MTUS2: variants seen among roughly 807,000 people sequenced by gnomAD.
The protein encoded by MTUS2 is microtubule-associated tumor suppressor candidate 2.
A neutral mutation model predicts 114.1 loss-of-function variants in MTUS2; 40 were observed. The ratio of observed to expected loss-of-function variants is 0.35; its 90% confidence interval spans 0.27 to 0.46. MTUS2 has a LOEUF of 0.46. Ranked by LOEUF, MTUS2 falls within the 20% of genes least tolerant of loss-of-function variation. The pLI, the probability that MTUS2 is intolerant of heterozygous loss-of-function variation, is 1.00. For missense variants in MTUS2, 1,679 were observed against 1,705.4 expected (o/e 0.98, Z 0.27); for synonymous variants, 688 against 672.0 (o/e 1.02, Z -0.37).
At chr13:29,173,615 A>G (rs1893651049) in intron 5 of MTUS2, among the ~76,000 whole-genome samples, 1 of 152,132 alleles carries the variant, frequency 6.6e-6, no homozygotes, top group Non-Finnish European at 1.5e-5. Flanking sequence ...GGAAAGAATT[A>G]TAGTTCAGGA....
At chr13:29,230,687 G>A (rs77312187) in intron 5 of MTUS2, among the ~76,000 whole-genome samples, 6 of 152,320 alleles carry the variant, frequency 3.9e-5, no homozygotes, top group Admixed American at 1.3e-4. Context: ...TTGAAATCAG[G>A]TAACTTTGGA....
chr13:29,464,380 A>G (rs1879740162), intron 9 of MTUS2, among the ~76,000 whole-genome samples: 1 of 152,250 alleles, frequency 6.6e-6, no homozygotes, highest in South Asian at 2.1e-4. Flanking sequence ...TAAGCCAGGG[A>G]GAGAGAACAG....
chr13:29,045,883 T>C, intron 4 of MTUS2, among the ~76,000 whole-genome samples: 1 of 152,128 alleles, frequency 6.6e-6, no homozygotes, highest in Admixed American at 6.6e-5. Flanking sequence ...GAACTATATT[T>C]TCTGTAATCT....
chr13:29,419,398 C>A (rs1875916098), intron 8 of MTUS2, among the ~76,000 whole-genome samples: 1 of 152,094 alleles, frequency 6.6e-6, no homozygotes, highest in African/African-American at 2.4e-5. Context: ...GAGGTTGATA[C>A]CATTGATACC....
intron 4 of MTUS2, among the ~76,000 whole-genome samples, chr13:29,038,913 G>A (rs1887209924): frequency 3.9e-5 from 6 of 152,224 alleles, no homozygotes; most frequent in Admixed American, 3.9e-4. Flanking sequence ...CAGGCTGCGG[G>A]CGGGCCTGGG....
chr13:29,429,055 A>G (rs1876798915), intron 8 of MTUS2, among the ~76,000 whole-genome samples: 1 of 152,210 alleles, frequency 6.6e-6, no homozygotes, highest in Non-Finnish European at 1.5e-5. Context: ...CTGAATTGTG[A>G]GTGGTGTTCA....
chr13:28,878,257 GTGTGTATA>G (rs1431519108), intron 2 of MTUS2, among the ~76,000 whole-genome samples: 3 of 151,186 alleles, frequency 2.0e-5, no homozygotes, highest in Admixed American at 1.3e-4. Flanking sequence ...ATATGTGTGT[GTGTGTATA>G]TGTGTATATA....
At chr13:28,888,900 C>T (rs1878754678) in intron 2 of MTUS2, among the ~76,000 whole-genome samples, 3 of 152,062 alleles carry the variant, frequency 2.0e-5, no homozygotes. Flanking sequence ...GTCAAGTGTC[C>T]AGGGCAAAGG....
chr13:29,222,438 T>A (rs138892333), intron 5 of MTUS2, among the ~76,000 whole-genome samples: 1 of 152,264 alleles, frequency 6.6e-6, no homozygotes, highest in African/African-American at 2.4e-5. Flanking sequence ...TGTTAGGATT[T>A]ATATTAAAAT....
At chr13:28,829,282 TAGAG>T (rs1235129040) in intron 1 of MTUS2, among the ~76,000 whole-genome samples, 2 of 151,972 alleles carry the variant, frequency 1.3e-5, no homozygotes, top group African/African-American at 2.4e-5. Context: ...TCCTAGCACT[TAGAG>T]AGGCTGAGAC....
intron 2 of MTUS2, among the ~76,000 whole-genome samples, chr13:28,984,181 C>T (rs912401975): frequency 6.6e-5 from 10 of 152,136 alleles, no homozygotes; most frequent in Non-Finnish European, 1.0e-4. Flanking sequence ...AATTCTGCAT[C>T]GTGTCTTCAT....
intron 2 of MTUS2, among the ~76,000 whole-genome samples, chr13:29,015,571 A>G (rs928822275): frequency 1.3e-5 from 2 of 152,230 alleles, no homozygotes; most frequent in Non-Finnish European, 2.9e-5. Context: ...ACCCGTTAAC[A>G]CAGGGATTTT....
At chr13:29,256,025 A>C (rs1897273996) in intron 5 of MTUS2, among the ~76,000 whole-genome samples, 1 of 152,232 alleles carries the variant, frequency 6.6e-6, no homozygotes, top group Non-Finnish European at 1.5e-5. Context: ...GTAGGTGCTT[A>C]ATAAAAGAGT....
intron 2 of MTUS2, among the ~76,000 whole-genome samples, chr13:28,978,162 A>T (rs1239812575): frequency 6.6e-6 from 1 of 152,210 alleles, no homozygotes; most frequent in African/African-American, 2.4e-5. Flanking sequence ...TGCACTTGAC[A>T]TTCATTAGAA....
intron 5 of MTUS2, among the ~76,000 whole-genome samples, chr13:29,223,572 T>A (rs537184259): frequency 3.3e-5 from 5 of 152,224 alleles, no homozygotes; most frequent in East Asian, 1.9e-4. Flanking sequence ...TGAGATGTTC[T>A]GACACTCAAT....
At chr13:29,357,899 A>G (rs1387282889) in intron 7 of MTUS2, among the ~76,000 whole-genome samples, 1 of 152,188 alleles carries the variant, frequency 6.6e-6, no homozygotes, top group Admixed American at 6.5e-5. Flanking sequence ...ATTTAGGTCA[A>G]TTAACCACTT....
chr13:29,483,021 G>A (rs1475274468), intron 10 of MTUS2, among the ~76,000 whole-genome samples: 1 of 152,196 alleles, frequency 6.6e-6, no homozygotes, highest in African/African-American at 2.4e-5. Flanking sequence ...AGACTCAAGG[G>A]TGTGACTGAG....
At chr13:29,101,543 A>G (rs1366705135) in intron 5 of MTUS2, among the ~76,000 whole-genome samples, 1 of 152,170 alleles carries the variant, frequency 6.6e-6, no homozygotes, top group Non-Finnish European at 1.5e-5. Flanking sequence ...ACTGCATTTT[A>G]AAGTATGAAT....
intron 5 of MTUS2, among the ~76,000 whole-genome samples, chr13:29,107,542 T>C (rs578001245): frequency 6.6e-6 from 1 of 152,278 alleles, no homozygotes; most frequent in African/African-American, 2.4e-5. Flanking sequence ...TAAAATGTTA[T>C]TTTTATTGAC....
Sources: gnomAD v4.1 joint callset for allele counts (sites outside exome capture counted in the v4.1 genomes callset) on GRCh38, gnomAD v4.1.1 for gene constraint, MANE v1.5 for transcripts, NCBI Gene and HGNC (gene_info 2026-07-23, HGNC 2026-07-21) for gene names.